Variants in USP10 observed in about 807,000 individuals in gnomAD.
The protein encoded by USP10 is ubiquitin carboxyl-terminal hydrolase 10.
USP10 carries 22 observed loss-of-function variants against 84.5 expected under a neutral mutation model. That is an observed-to-expected ratio of 0.26 (90% CI 0.19 to 0.37). USP10 has a LOEUF of 0.37. Among genes scored for constraint, USP10 ranks in the 10% least tolerant of loss-of-function variants. USP10 has a pLI of 1.00. For synonymous variants in USP10, 454 were observed against 387.6 expected (o/e 1.17, Z -2.01); for missense variants, 1,019 against 998.9 (o/e 1.02, Z -0.27).
intron 4 of USP10, among the ~76,000 whole-genome samples, chr16:84,755,118 C>A (rs775493185): frequency 6.6e-6 from 1 of 151,146 alleles, no homozygotes; most frequent in Admixed American, 6.6e-5. Context: ...TCTGTTCGAA[C>A]GGGTCAACAA....
chr16:84,714,603 G>T (rs1363933286), intron 1 of USP10, among the ~76,000 whole-genome samples: 1 of 151,794 alleles, frequency 6.6e-6, no homozygotes, highest in African/African-American at 2.4e-5. Context: ...GGACTGCAGC[G>T]TATTCACAAG....
At chr16:84,774,660 C>T (rs1012608775) in intron 12 of USP10, among the ~76,000 whole-genome samples, 5 of 151,932 alleles carry the variant, frequency 3.3e-5, no homozygotes, top group Admixed American at 6.6e-5. Flanking sequence ...TTAATAGAGA[C>T]GTGGTTTCAC....
chr16:84,761,487 A>G (rs973738241), intron 8 of USP10, among the ~76,000 whole-genome samples: 1 of 152,230 alleles, frequency 6.6e-6, no homozygotes, highest in Non-Finnish European at 1.5e-5. Context: ...GGGAAAGGAC[A>G]GGTGAGGCAG....
At chr16:84,756,619 A>G (rs540288107) in intron 4 of USP10, among the ~76,000 whole-genome samples, 2 of 152,210 alleles carry the variant, frequency 1.3e-5, no homozygotes, top group Non-Finnish European at 2.9e-5. Context: ...TATGTTAGAA[A>G]GATAGCAGGC....
At chr16:84,775,343 G>C (rs1914891156) in intron 13 of USP10, 118 bp downstream of exon 13, 1 of 992,878 alleles carries the variant, frequency 1.0e-6, no homozygotes, top group East Asian at 2.5e-5. Flanking sequence ...AGGTATCCCT[G>C]TGGCCTTGTG....
intron 4 of USP10, among the ~76,000 whole-genome samples, chr16:84,747,857 G>A (rs896982293): frequency 5.3e-5 from 8 of 151,862 alleles, no homozygotes; most frequent in African/African-American, 1.2e-4. Flanking sequence ...GTGGGCCACC[G>A]CACTCAGGCC....
chr16:84,740,426 G>A, intron 3 of USP10, 57 bp downstream of exon 3: 1 of 1,416,222 alleles, frequency 7.1e-7, no homozygotes, highest in Non-Finnish European at 9.8e-7. Flanking sequence ...GTGCTGGGTG[G>A]GCAGGCTACC....
At chr16:84,752,524 A>G (rs1912051615) in intron 4 of USP10, among the ~76,000 whole-genome samples, 1 of 152,254 alleles carries the variant, frequency 6.6e-6, no homozygotes, top group African/African-American at 2.4e-5. Flanking sequence ...ACTTTAGGCT[A>G]GGAATAACAT....
chr16:84,720,208 G>A (rs1199783849), intron 1 of USP10, among the ~76,000 whole-genome samples: 1 of 152,156 alleles, frequency 6.6e-6, no homozygotes, highest in Non-Finnish European at 1.5e-5. Context: ...TTTCATGGAT[G>A]TCCTTTAAGA....
chr16:84,748,196 T>G (rs2150828504), intron 4 of USP10, among the ~76,000 whole-genome samples: 1 of 151,500 alleles, frequency 6.6e-6, no homozygotes, highest in East Asian at 1.9e-4. Context: ...GTGTAAGCCT[T>G]TATATAGATT....
chr16:84,772,718 G>A, intron 12 of USP10, 33 bp downstream of exon 12: 6 of 1,611,348 alleles, frequency 3.7e-6, no homozygotes, highest in Non-Finnish European at 5.1e-6. Flanking sequence ...AGTGTTCGTG[G>A]TGACACACTC....
intron 3 of USP10, among the ~76,000 whole-genome samples, chr16:84,743,448 C>T (rs907616627): frequency 1.3e-5 from 2 of 152,126 alleles, no homozygotes; most frequent in African/African-American, 4.8e-5. Context: ...ATTTTTTCTT[C>T]TACAAAAAGA....
intron 12 of USP10, among the ~76,000 whole-genome samples, chr16:84,773,469 C>T (rs1044384431): frequency 2.6e-5 from 4 of 152,116 alleles, no homozygotes; most frequent in African/African-American, 9.7e-5. Flanking sequence ...ATAGATGACC[C>T]AGGAACTGTG....
chr16:84,746,512 G>T, intron 4 of USP10, among the ~76,000 whole-genome samples: 1 of 152,214 alleles, frequency 6.6e-6, no homozygotes, highest in East Asian at 1.9e-4. Context: ...GTAGGCAGTT[G>T]TAACACAGTG....
At chr16:84,759,237 A>G (rs775036806) in intron 5 of USP10, 126 bp from the exon 6 acceptor site, 1 of 816,786 alleles carries the variant, frequency 1.2e-6, no homozygotes, top group Non-Finnish European at 2.0e-6. Context: ...TCGTGGTGAC[A>G]TATCTAAGTA....
chr16:84,723,125 T>C (rs1349879303), intron 1 of USP10, among the ~76,000 whole-genome samples: 1 of 150,534 alleles, frequency 6.6e-6, no homozygotes, highest in African/African-American at 2.5e-5. Flanking sequence ...CCGGCTCCGA[T>C]ACCTTCTGAT....
intron 3 of USP10, among the ~76,000 whole-genome samples, chr16:84,742,049 C>T (rs868422153): frequency 1.3e-5 from 2 of 152,062 alleles, no homozygotes; most frequent in Admixed American, 6.5e-5. Context: ...TAGATCTCGG[C>T]CTTTTCTATT....
intron 1 of USP10, among the ~76,000 whole-genome samples, chr16:84,721,915 C>G (rs1475237736): frequency 1.3e-5 from 2 of 152,222 alleles, no homozygotes; most frequent in Non-Finnish European, 1.5e-5. Flanking sequence ...CTAGGCTGAT[C>G]TTGAACTCCT....
chr16:84,761,661 A>G (rs1913219631), intron 8 of USP10, among the ~76,000 whole-genome samples: 1 of 152,284 alleles, frequency 6.6e-6, no homozygotes, highest in Admixed American at 6.5e-5. Flanking sequence ...CATAGGTACC[A>G]TCTGCCTGGC....
Sources: gnomAD v4.1 joint callset for allele counts (sites outside exome capture counted in the v4.1 genomes callset) on GRCh38, gnomAD v4.1.1 for gene constraint, MANE v1.5 for transcripts, NCBI Gene and HGNC (gene_info 2026-07-23, HGNC 2026-07-21) for gene names.